Variants in PKN2 observed in about 807,000 individuals in gnomAD.
PKN2 encodes serine/threonine-protein kinase N2.
Under a neutral mutation model 119.1 loss-of-function variants are expected in PKN2, and 38 were observed. That is an observed-to-expected ratio of 0.32 (90% CI 0.25 to 0.42). The LOEUF is 0.42. Ranked by LOEUF, PKN2 falls within the 10% of genes least tolerant of loss-of-function variation. The pLI is 1.00. For synonymous variants in PKN2, 390 were observed against 384.9 expected, an observed-to-expected ratio of 1.01 and a Z score of -0.15; for missense variants, 850 against 1,165.1, an observed-to-expected ratio of 0.73 and a Z score of 3.94.
At chr1:88,796,622 C>T (rs1671079782) in intron 8 of PKN2, among the ~76,000 whole-genome samples, 1 of 152,162 alleles carries the variant, frequency 6.6e-6, no homozygotes, top group Non-Finnish European at 1.5e-5. Context: ...GCTCTCAAAA[C>T]CCAATTTGAG....
chr1:88,789,691 T>TAACAAC (rs1553155765), intron 8 of PKN2, among the ~76,000 whole-genome samples: 5 of 123,232 alleles, frequency 4.1e-5, no homozygotes, highest in African/African-American at 1.5e-4. Flanking sequence ...ATAATAATAA[T>TAACAAC]AACAACAACA....
intron 1 of PKN2, among the ~76,000 whole-genome samples, chr1:88,733,613 C>A (rs549730338): frequency 1.4e-4 from 22 of 152,158 alleles, no homozygotes; most frequent in Middle Eastern, 3.4e-3. Context: ...TAAATGTGTT[C>A]TCCCAGTCTA....
At chr1:88,781,078 C>T in intron 6 of PKN2, 1 of 1,181,464 alleles carries the variant, frequency 8.5e-7, no homozygotes, top group Non-Finnish European at 1.1e-6. Flanking sequence ...GGACCATAAA[C>T]TAAATTTTAA....
At chr1:88,693,355 C>G (rs1666405829) in intron 1 of PKN2, among the ~76,000 whole-genome samples, 1 of 152,076 alleles carries the variant, frequency 6.6e-6, no homozygotes, top group Admixed American at 6.6e-5. Context: ...ACTCGGAATC[C>G]TAAATACAGT....
intron 1 of PKN2, among the ~76,000 whole-genome samples, chr1:88,715,001 A>G (rs1404599857): frequency 6.6e-6 from 1 of 152,088 alleles, no homozygotes; most frequent in Non-Finnish European, 1.5e-5. Flanking sequence ...GAATTTTGTC[A>G]AAGGCCTTTT....
At chr1:88,726,727 G>A (rs1031149989) in intron 1 of PKN2, among the ~76,000 whole-genome samples, 2 of 151,018 alleles carry the variant, frequency 1.3e-5, no homozygotes, top group Non-Finnish European at 1.5e-5. Context: ...ATAGGACTGT[G>A]CAGATTATGT....
At position 88,786,077 on chromosome 1, in the gene PKN2, A is replaced by T. The variant is rs774477045; in HGVS notation, c.1172-27A>T. 17 of 1,380,392 alleles carry T rather than the reference A, an allele frequency of 1.2e-5. No individual in the cohort carries two copies. The African/African-American group carries it at 2.4e-4, about 20-fold the overall frequency. The allele number at this position is 1,380,392 out of a possible 1,614,324, so 85.5% of individuals were successfully genotyped here. On this transcript the variant is annotated intron_variant, in intron 7 of 21. Coordinates refer to ENST00000370521, the MANE Select transcript of PKN2 (RefSeq NM_006256.4). ...TTTTTTATAAAGGTTTAAAGTTTTT[A>T]AGCAAGTTTGTAAATTTTAATTACA...
chr1:88,697,239 C>T (rs916446740), intron 1 of PKN2, among the ~76,000 whole-genome samples: 2 of 152,098 alleles, frequency 1.3e-5, no homozygotes, highest in Non-Finnish European at 2.9e-5. Context: ...GGAACTAGGT[C>T]TTACTCCTCT....
chr1:88,765,175 C>T (rs775518884), intron 3 of PKN2, among the ~76,000 whole-genome samples: 30 of 151,836 alleles, frequency 2.0e-4, no homozygotes, highest in Non-Finnish European at 3.1e-4. Context: ...GTGATCCGCC[C>T]GCCTGGCCCT....
chr1:88,807,288 T>G, intron 12 of PKN2, 25 bp from the exon 13 acceptor site: 1 of 1,418,860 alleles, frequency 7.0e-7, no homozygotes, highest in Non-Finnish European at 9.6e-7. Flanking sequence ...TTTCTATGGA[T>G]TCACGTGTAT....
In PKN2 at chr1:88,701,343, G is replaced by T. The variant is rs1666762277; in HGVS notation, c.48+16715G>T. On this transcript the variant is annotated intron_variant, in intron 1 of 21. Coordinates refer to ENST00000370521, the MANE Select transcript of PKN2 (RefSeq NM_006256.4). ...CCTATAATCCCAGCTACTCGGGATTGTATTTTCTTTACAGCTTGAGAGCTA... is the reference window on the plus strand; with the variant it reads ...CCTATAATCCCAGCTACTCGGGATTTTATTTTCTTTACAGCTTGAGAGCTA... 2.0e-5 allele frequency among the ~76,000 whole-genome samples: 3 copies of T among 152,230 alleles called. No individual in the cohort carries two copies. In the South Asian group the frequency reaches 6.2e-4, roughly 32 times the overall value.
intron 6 of PKN2, 151 bp from the exon 7 acceptor site, chr1:88,784,488 G>T: frequency 2.4e-6 from 1 of 417,208 alleles, no homozygotes. Flanking sequence ...ATTAAAATAG[G>T]AAAGATGATA....
intron 8 of PKN2, among the ~76,000 whole-genome samples, chr1:88,795,344 CT>C (rs1671018160): frequency 6.6e-6 from 1 of 152,176 alleles, no homozygotes; most frequent in African/African-American, 2.4e-5. Flanking sequence ...TTAACCACTT[CT>C]TTCTTCTGAT....
chr1:88,726,754 GT>G (rs1667914140), intron 1 of PKN2, among the ~76,000 whole-genome samples: 1 of 102,890 alleles, frequency 9.7e-6, no homozygotes. Flanking sequence ...TATTGGGTGA[GT>G]TTTGGTGGTT....
At chr1:88,808,082 T>C (rs1344635461) in intron 15 of PKN2, among the ~76,000 whole-genome samples, 1 of 152,164 alleles carries the variant, frequency 6.6e-6, no homozygotes, top group Non-Finnish European at 1.5e-5. Flanking sequence ...GTTATTCATC[T>C]GTGGTTTTGT....
At position 88,805,962 on chromosome 1, in the gene PKN2, C is replaced by G; in HGVS notation, c.1748C>G (p.Ser583Cys). 1 of 1,613,652 alleles carries G rather than the reference C, an allele frequency of 6.2e-7. No homozygotes were observed. The highest frequency in any genetic ancestry group is 8.5e-7 in the Non-Finnish European group (1 of 1,179,566). Residue 583 changes from serine to cysteine, a missense_variant, in exon 12 of 22, where the codon TCT becomes TGT. Ser to Cys is a moderately radical substitution (Grantham distance 112). Transcript: ENST00000370521. ...EPPPAPPRAS[S>C]LGEIDESSEL... ...CCTCCAGCCCCACCACGAGCTTCTT[C>G]TCTTGGAGAAATAGATGAATCTTCT...
intron 1 of PKN2, among the ~76,000 whole-genome samples, chr1:88,691,211 G>A (rs1242786197): frequency 6.6e-6 from 1 of 151,922 alleles, no homozygotes; most frequent in Non-Finnish European, 1.5e-5. Flanking sequence ...CTATAGGTGT[G>A]AGCCATCATG....
Position 88,695,565 on chromosome 1 carries a change from T to C in PKN2, c.48+10937T>C, listed in dbSNP as rs1281151844. On this transcript the variant is annotated intron_variant, in intron 1 of 21. Coordinates refer to ENST00000370521, the MANE Select transcript of PKN2 (RefSeq NM_006256.4). ...TGTTTTCTGTCATCCAACCTACTCC[T>C]GCTCTTTTGTTCTCAGCATATCACT... is the stretch of plus-strand genomic sequence containing the variant. 3.3e-5 allele frequency among the ~76,000 whole-genome samples: 5 copies of C among 152,346 alleles called. No individual in the cohort carries two copies. In the East Asian group the frequency reaches 9.6e-4, roughly 29 times the overall value.
intron 2 of PKN2, among the ~76,000 whole-genome samples, chr1:88,749,179 T>TA: frequency 6.6e-6 from 1 of 152,296 alleles, no homozygotes; most frequent in South Asian, 2.1e-4. Context: ...GGTACAGAGT[T>TA]ATGTACAGAA....
Sources: allele counts gnomAD v4.1 joint callset (sites outside exome capture counted in the v4.1 genomes callset), GRCh38; gene constraint gnomAD v4.1.1; transcripts MANE v1.5; gene names NCBI Gene and HGNC (gene_info 2026-07-23, HGNC 2026-07-21).